Variants in DHDDS observed in about 807,000 individuals in gnomAD.
DHDDS encodes dehydrodolichyl diphosphate synthase complex subunit DHDDS.
Under a neutral mutation model 46.2 loss-of-function variants are expected in DHDDS, and 16 were observed. The observed-to-expected ratio is 0.35, with a 90% CI of 0.23 to 0.53. DHDDS has a LOEUF of 0.53. DHDDS is among the 20% of genes least tolerant of loss of function. The pLI is 0.94. For missense variants in DHDDS, 340 were observed against 423.7 expected, an observed-to-expected ratio of 0.80 and a Z score of 1.73; for synonymous variants, 151 against 163.1, an observed-to-expected ratio of 0.93 and a Z score of 0.56.
chr1:26,447,907 T>C (rs2075285171), intron 6 of DHDDS: 1 of 601,144 alleles, frequency 1.7e-6, no homozygotes, highest in African/African-American at 1.9e-5. Context: ...GAGGTCTAAT[T>C]AGGGGAGCAT....
Position 26,447,779 on chromosome 1 carries a change from G to T in DHDDS, c.542+119G>T, listed in dbSNP as rs186191592. ...CGAGGTGGGCAGTCCACTTGAGGCA[G>T]GCCAGGAGTTCAAGACCAGCCTGGC... On this transcript the variant is annotated intron_variant, in intron 6 of 8. Transcript: ENST00000236342. The T allele has an allele frequency of 1.8e-3, 1,554 of 861,288 alleles. 27 individuals are homozygous for T. The Admixed American group carries it at 0.028, about 15-fold the overall frequency. The allele number at this position is 861,288 out of a possible 1,614,324, so 53.4% of individuals were successfully genotyped here. A position where few individuals can be genotyped will look rare whatever the true frequency, so the allele number is the denominator to read the frequency against.
Position 26,447,734 on chromosome 1 carries a change from A to G in DHDDS, c.542+74A>G, listed in dbSNP as rs2075283515. 2.9e-6 allele frequency: 4 copies of G among 1,358,768 alleles called. No homozygotes were observed. The Admixed American group carries it at 5.5e-5, about 19-fold the overall frequency. The allele number at this position is 1,358,768 out of a possible 1,614,324, so 84.2% of individuals were successfully genotyped here. A position where few individuals can be genotyped will look rare whatever the true frequency, so the allele number is the denominator to read the frequency against. ...GCCAGCATGGCAGCTCACGCCTGTA[A>G]TCCTAGCACATTAGGAGGCCGAGGT... On this transcript the variant is annotated intron_variant, in intron 6 of 8. Coordinates refer to ENST00000236342, the MANE Select transcript of DHDDS (RefSeq NM_205861.3).
chr1:26,458,737 C>CAAAAAAAAAA (rs11381495), intron 7 of DHDDS, among the ~76,000 whole-genome samples: 1 of 71,694 alleles, frequency 1.4e-5, no homozygotes, highest in Non-Finnish European at 2.7e-5. Flanking sequence ...GACTCTGTCG[C>CAAAAAAAAAA]AAAAAAAAAA....
chr1:26,460,168 C>A, intron 8 of DHDDS, 24 bp downstream of exon 8: 1 of 1,559,194 alleles, frequency 6.4e-7, no homozygotes, highest in Non-Finnish European at 8.8e-7. Context: ...CAGGGCTGGC[C>A]AGATGGGATG....
At chr1:26,456,431 C>G (rs1377888268) in intron 6 of DHDDS, among the ~76,000 whole-genome samples, 1 of 152,050 alleles carries the variant, frequency 6.6e-6, no homozygotes, top group Non-Finnish European at 1.5e-5. Context: ...CTCGCTCTGT[C>G]ACTCAGGCTG....
At position 26,447,667 on chromosome 1, in the gene DHDDS, C is replaced by A. The variant is rs772779004; in HGVS notation, c.542+7C>A. The A allele has an allele frequency of 6.2e-7, 1 of 1,612,622 alleles. No individual in the cohort carries two copies. Among genetic ancestry groups the A allele is most frequent in the Non-Finnish European group, 8.5e-7 (1 of 1,178,716 alleles). On this transcript the variant is annotated splice_region_variant and intron_variant, in intron 6 of 8. Coordinates refer to ENST00000236342, the MANE Select transcript of DHDDS (RefSeq NM_205861.3). ...AAGGCCTGTTGGATCCCAGGTATCC[C>A]GAGTTGTTTTGCATGGTAATTGTTA... is the stretch of plus-strand genomic sequence containing the variant.
At chr1:26,449,871 C>T (rs570007960) in intron 6 of DHDDS, among the ~76,000 whole-genome samples, 25 of 152,284 alleles carry the variant, frequency 1.6e-4, no homozygotes, top group Non-Finnish European at 2.2e-4. Context: ...TTTAGACTTA[C>T]GTTACAGTGG....
chr1:26,454,806 A>AGCG, intron 6 of DHDDS: 1 of 1,579,820 alleles, frequency 6.3e-7, no homozygotes, highest in South Asian at 1.1e-5. Context: ...CTGTAGGTCC[A>AGCG]GCGGCACATC....
intron 7 of DHDDS, among the ~76,000 whole-genome samples, chr1:26,459,476 T>C (rs543350988): frequency 3.3e-4 from 51 of 152,308 alleles, no homozygotes; most frequent in African/African-American, 1.2e-3. Context: ...CCCTGAAAAT[T>C]AGGTATTCCT....
intron 4 of DHDDS, among the ~76,000 whole-genome samples, chr1:26,445,240 CAT>C (rs1383604711): frequency 1.3e-5 from 2 of 152,194 alleles, no homozygotes; most frequent in African/African-American, 4.8e-5. Flanking sequence ...ATTTAGTAAA[CAT>C]AGAATGTTAG....
intron 3 of DHDDS, 51 bp from the exon 4 acceptor site, chr1:26,442,680 C>A: frequency 6.2e-7 from 1 of 1,610,394 alleles, no homozygotes; most frequent in Non-Finnish European, 8.5e-7. Flanking sequence ...TCTCTTATTT[C>A]CCCTTCCCAC....
chr1:26,444,485 T>G (rs2075249799), intron 4 of DHDDS, among the ~76,000 whole-genome samples: 1 of 152,198 alleles, frequency 6.6e-6, no homozygotes, highest in South Asian at 2.1e-4. Context: ...ATGCCTGTAA[T>G]CTCAGCACTT....
At chr1:26,438,330 T>C (rs2075182341) in intron 3 of DHDDS, 46 bp downstream of exon 3, 4 of 1,547,862 alleles carry the variant, frequency 2.6e-6, no homozygotes, top group South Asian at 1.1e-5. Context: ...TGTGGAGAGG[T>C]AGATTATAGC....
rs57226446 is a variant in DHDDS at position 26,436,401 on chromosome 1, TTTTGTTTG to T, written c.64-1735_64-1728del. Among the ~76,000 whole-genome samples, 1,375 of 147,964 alleles carry T rather than the reference TTTTGTTTG, an allele frequency of 9.3e-3. 9 individuals are homozygous for T. Among genetic ancestry groups the T allele is most frequent in the Middle Eastern group, 0.028 (8 of 286 alleles). The stretch of plus-strand genomic sequence containing the variant: ...CCTTGGGTAATAGAGTAAGACTCTG[TTTTGTTTG>T]TTTGTTTGTTTGTTTGTTTGTTTGT... On this transcript the variant is annotated intron_variant, in intron 2 of 8. Transcript: ENST00000236342.
intron 2 of DHDDS, among the ~76,000 whole-genome samples, chr1:26,437,837 G>A (rs1445576171): frequency 6.6e-6 from 1 of 151,872 alleles, no homozygotes; most frequent in African/African-American, 2.4e-5. Context: ...GGATAGGTAG[G>A]TGTGGTGGCA....
intron 8 of DHDDS, among the ~76,000 whole-genome samples, chr1:26,467,806 C>T (rs183991204): frequency 1.4e-4 from 21 of 152,294 alleles, no homozygotes; most frequent in Non-Finnish European, 2.6e-4. Context: ...GCAGGAGGAG[C>T]TCTAGTGCAA....
intron 6 of DHDDS, among the ~76,000 whole-genome samples, chr1:26,449,424 A>C (rs973872619): frequency 2.6e-5 from 4 of 151,552 alleles, no homozygotes; most frequent in Non-Finnish European, 5.9e-5. Flanking sequence ...ATTTTGAGAC[A>C]GGGACTCACT....
intron 2 of DHDDS, among the ~76,000 whole-genome samples, chr1:26,435,152 G>C (rs963437926): frequency 1.3e-5 from 2 of 151,396 alleles, no homozygotes; most frequent in East Asian, 2.0e-4. Flanking sequence ...TGGGATTACA[G>C]GCGCTCGCCA....
At chr1:26,452,861 GGCTGAGGCAGGAAAATC>G (rs1200994539) in intron 6 of DHDDS, among the ~76,000 whole-genome samples, 1 of 152,160 alleles carries the variant, frequency 6.6e-6, no homozygotes, top group Non-Finnish European at 1.5e-5. Context: ...GACTTTGGGA[GGCTGAGGCAGGAAAATC>G]GCTTGAGCCC....
Sources: allele counts gnomAD v4.1 joint callset (sites outside exome capture counted in the v4.1 genomes callset), GRCh38; gene constraint gnomAD v4.1.1; transcripts MANE v1.5; gene names NCBI Gene and HGNC (gene_info 2026-07-23, HGNC 2026-07-21).